THADA: variants seen among roughly 807,000 people sequenced by gnomAD.
THADA encodes the protein THADA armadillo repeat containing.
In THADA, 213 loss-of-function variants were observed where a neutral mutation model predicts 219.8. The observed-to-expected ratio is 0.97, with a 90% CI of 0.87 to 1.09. The LOEUF (loss-of-function observed/expected upper bound fraction) is 1.09. Ranked by LOEUF, THADA falls within the 50% of genes least tolerant of loss-of-function variation. THADA has a pLI of 0.00. For synonymous variants in THADA, 1,018 were observed against 828.9 expected (o/e 1.23, Z -3.92); for missense variants, 2,956 against 2,311.3 (o/e 1.28, Z -5.72).
chr2:43,236,797 C>T, intron 36 of THADA, among the ~76,000 whole-genome samples: 1 of 150,632 alleles, frequency 6.6e-6, no homozygotes, highest in East Asian at 2.0e-4. Context: ...CACGGTGGCT[C>T]ACGCCTGTAA....
chr2:43,397,661 T>C (rs908381640), intron 29 of THADA, among the ~76,000 whole-genome samples: 8 of 151,852 alleles, frequency 5.3e-5, no homozygotes, highest in African/African-American at 1.7e-4. Context: ...TTTGCAGGCA[T>C]ACTTGATGGA....
At chr2:43,541,435 T>C (rs1695297494) in intron 20 of THADA, 119 bp from the exon 21 acceptor site, 7 of 1,127,748 alleles carry the variant, frequency 6.2e-6, no homozygotes, top group South Asian at 1.4e-5. Flanking sequence ...CGATTTGTCA[T>C]GTTATATTTA....
At chr2:43,389,034 T>C (rs1375217486) in intron 29 of THADA, among the ~76,000 whole-genome samples, 1 of 152,132 alleles carries the variant, frequency 6.6e-6, no homozygotes. Flanking sequence ...ACCAGAGACC[T>C]TGCTACCCAC....
intron 26 of THADA, among the ~76,000 whole-genome samples, chr2:43,481,758 T>C (rs1167053837): frequency 6.6e-6 from 1 of 152,214 alleles, no homozygotes; most frequent in Admixed American, 6.5e-5. Flanking sequence ...ATAAGTGCTT[T>C]CAAATTCTCA....
At chr2:43,517,358 G>A (rs779973666) in intron 22 of THADA, among the ~76,000 whole-genome samples, 2 of 152,082 alleles carry the variant, frequency 1.3e-5, no homozygotes, top group Admixed American at 6.6e-5. Flanking sequence ...TAAAGCCAAC[G>A]TATTGAAGCA....
At position 43,574,792 on chromosome 2, in the gene THADA, T is replaced by G; in HGVS notation, c.1273A>C (p.Thr425Pro). The change falls in exon 11 of 38, where the codon ACT (threonine) becomes CCT (proline). Residue 425 changes from threonine to proline, a missense_variant. Coordinates refer to ENST00000405975, the MANE Select transcript of THADA (RefSeq NM_022065.5). ...FKNLLQMHRLTVEGADFVPDP... is the reference protein window; with the variant it reads ...FKNLLQMHRLPVEGADFVPDP... ...GGGACGAAATCTGCACCTTCCACAG[T>G]GAGCCGGTGCATTTGGAGAAGGTTT... The G allele has an allele frequency of 6.2e-7, 1 of 1,614,016 alleles. No individual in the cohort carries two copies. Among genetic ancestry groups the G allele is most frequent in the East Asian group, 2.2e-5 (1 of 44,880 alleles).
rs1479624175 is a variant in THADA, at chr2:43,514,854, G to A, written c.3375-6074C>T. On this transcript the variant is annotated intron_variant, in intron 22 of 37. Transcript: ENST00000405975. The stretch of plus-strand genomic sequence containing the variant: ...ATATATATTTTATATATAATAATAT[G>A]TACAATATATATTTTATGTATAATA... 7.3e-4 allele frequency among the ~76,000 whole-genome samples: 45 copies of A among 61,810 alleles called. 2 individuals are homozygous for A. The highest frequency in any genetic ancestry group is 2.2e-3 in the South Asian group (4 of 1,778). The allele number at this position is 61,810 out of a possible 152,430, so 40.5% of individuals were successfully genotyped here.
At chr2:43,415,870 G>A (rs972797194) in intron 28 of THADA, among the ~76,000 whole-genome samples, 2 of 151,164 alleles carry the variant, frequency 1.3e-5, no homozygotes, top group African/African-American at 2.4e-5. Flanking sequence ...CAACCACGCA[G>A]CAGAATGCAA....
At chr2:43,515,277 A>AAT (rs1691487329) in intron 22 of THADA, among the ~76,000 whole-genome samples, 1 of 3,778 alleles carries the variant, frequency 2.6e-4, no homozygotes, top group Non-Finnish European at 5.8e-4. Context: ...TATAATATAT[A>AAT]ATATATTATA....
chr2:43,521,564 G>C (rs1184968637), intron 22 of THADA, among the ~76,000 whole-genome samples: 2 of 152,092 alleles, frequency 1.3e-5, no homozygotes, highest in East Asian at 1.9e-4. Context: ...TCAAAAAAAA[G>C]GTAAGGGGTT....
At chr2:43,508,977 A>G (rs1327222189) in intron 22 of THADA, among the ~76,000 whole-genome samples, 197 bp from the exon 23 acceptor site, 1 of 152,184 alleles carries the variant, frequency 6.6e-6, no homozygotes, top group Non-Finnish European at 1.5e-5. Flanking sequence ...CATTTCTAAC[A>G]ACTGCAGTGT....
chr2:43,292,736 G>T, intron 32 of THADA, 98 bp downstream of exon 32: 1 of 1,469,426 alleles, frequency 6.8e-7, no homozygotes, highest in Non-Finnish European at 9.1e-7. Flanking sequence ...CCCCTGGAGA[G>T]CCTAAACCCA....
chr2:43,374,015 C>A (rs1264466540), intron 29 of THADA, among the ~76,000 whole-genome samples: 3 of 152,184 alleles, frequency 2.0e-5, no homozygotes, highest in Non-Finnish European at 2.9e-5. Flanking sequence ...AGATGCAACA[C>A]AATCTCAATC....
At chr2:43,361,960 C>T (rs113823434) in intron 29 of THADA, among the ~76,000 whole-genome samples, 26 of 152,214 alleles carry the variant, frequency 1.7e-4, no homozygotes, top group Non-Finnish European at 2.1e-4. Context: ...CCAACTGAGA[C>T]TGCTCCATAA....
chr2:43,268,737 C>T lies in THADA; in HGVS notation c.5296+11028G>A, dbSNP rs530540589. ...CCCACCCCTGCCCTGCAGAACTTCT[C>T]GGGCAGCACTGTCATGACAGCCTGG... On this transcript the variant is annotated intron_variant, in intron 36 of 37. Transcript: ENST00000405975. Among the ~76,000 whole-genome samples the T allele has an allele frequency of 2.0e-4, 31 of 152,292 alleles. No individual in the cohort carries two copies. The South Asian group carries it at 6.0e-3, about 30-fold the overall frequency.
chr2:43,364,957 C>CTTT (rs111298149), intron 29 of THADA, among the ~76,000 whole-genome samples: 3 of 135,936 alleles, frequency 2.2e-5, no homozygotes, highest in Non-Finnish European at 3.2e-5. Context: ...TTAATCTCAT[C>CTTT]TTTTTTTTTT....
chr2:43,580,009 G>T (rs1700243924), intron 8 of THADA, among the ~76,000 whole-genome samples: 1 of 146,424 alleles, frequency 6.8e-6, no homozygotes, highest in South Asian at 2.2e-4. Context: ...CAACTTTTCG[G>T]AAAAAAAGCT....
intron 26 of THADA, among the ~76,000 whole-genome samples, chr2:43,484,698 T>C (rs900476594): frequency 3.9e-5 from 6 of 152,034 alleles, no homozygotes; most frequent in African/African-American, 1.2e-4. Context: ...CAAAAACAAA[T>C]TAGAGGTTAA....
At chr2:43,376,488 C>G (rs1478877884) in intron 29 of THADA, among the ~76,000 whole-genome samples, 1 of 152,188 alleles carries the variant, frequency 6.6e-6, no homozygotes, top group African/African-American at 2.4e-5. Context: ...GATCTGTATT[C>G]TAAACATTCC....
Sources: gnomAD v4.1 joint callset for allele counts (sites outside exome capture counted in the v4.1 genomes callset) on GRCh38, gnomAD v4.1.1 for gene constraint, MANE v1.5 for transcripts, NCBI Gene and HGNC (gene_info 2026-07-23, HGNC 2026-07-21) for gene names.